The following RSPH14 variants were observed in gnomAD, a reference collection of about 807,000 sequenced individuals.
RSPH14 encodes the protein rhabdoid tumor deletion region gene 1.
RSPH14 carries 20 observed loss-of-function variants against 26.7 expected under a neutral mutation model. The observed-to-expected ratio is 0.75, with a 90% CI of 0.53 to 1.09. The LOEUF is 1.09. Ranked by LOEUF, RSPH14 falls within the 50% of genes least tolerant of loss-of-function variation. RSPH14 has a pLI of 0.00. For synonymous variants in RSPH14, 177 were observed against 189.3 expected, an observed-to-expected ratio of 0.93 and a Z score of 0.53; for missense variants, 449 against 457.2, an observed-to-expected ratio of 0.98 and a Z score of 0.16.
intron 4 of RSPH14, chr22:23,131,365 C>A: frequency 4.4e-6 from 1 of 228,118 alleles, no homozygotes; most frequent in Admixed American, 5.0e-5. Flanking sequence ...GACATAGTCA[C>A]CAGATTATTA....
chr22:23,079,466 G>A (rs1457295516), intron 4 of RSPH14, among the ~76,000 whole-genome samples: 1 of 152,152 alleles, frequency 6.6e-6, no homozygotes, highest in Non-Finnish European at 1.5e-5. Context: ...AGTGGGGGAG[G>A]GGGAGCATGG....
chr22:23,119,077 G>A (rs2069934201), intron 4 of RSPH14, among the ~76,000 whole-genome samples: 1 of 152,244 alleles, frequency 6.6e-6, no homozygotes, highest in African/African-American at 2.4e-5. Flanking sequence ...ATGCATGCTT[G>A]AGTCACAGTT....
the RSPH14 span, among the ~76,000 whole-genome samples, chr22:23,154,519 C>T: frequency 6.6e-6 from 1 of 152,186 alleles, no homozygotes; most frequent in Non-Finnish European, 1.5e-5. Flanking sequence ...CTGAGGGATC[C>T]AGAGAGCTGA....
the RSPH14 span, among the ~76,000 whole-genome samples, chr22:23,155,310 G>A: frequency 6.6e-6 from 1 of 152,194 alleles, no homozygotes; most frequent in Non-Finnish European, 1.5e-5. Flanking sequence ...GTAGATCTCA[G>A]TAGGTGCTCT....
chr22:23,082,951 T>C (rs547850862), intron 4 of RSPH14, among the ~76,000 whole-genome samples: 1 of 151,798 alleles, frequency 6.6e-6, no homozygotes, highest in South Asian at 2.1e-4. Context: ...AGGTGTGAAG[T>C]GGTCAAGATC....
At chr22:23,130,116 A>G (rs1306697589) in intron 4 of RSPH14, among the ~76,000 whole-genome samples, 17 of 112,564 alleles carry the variant, frequency 1.5e-4, no homozygotes, top group African/African-American at 5.0e-4. Context: ...AGAAAGAAAG[A>G]AAGAAAGAAA....
At chr22:23,155,818 C>T in the RSPH14 span, 1 of 617,270 alleles carries the variant, frequency 1.6e-6, no homozygotes, top group Non-Finnish European at 2.7e-6. Context: ...GGGGTAGGGA[C>T]ATCTGGCTCA....
At position 23,123,158 on chromosome 22, in the gene RSPH14, C is replaced by T. The variant is rs907495521; in HGVS notation, c.421+10868G>A. On this transcript the variant is annotated intron_variant, in intron 4 of 6. Transcript: ENST00000216036. ...ACAACTGGTTCATCAACACCTCACT[C>T]ATCCTCTTCCTGAACAAGAAGGACC... is the stretch of plus-strand genomic sequence containing the variant. The T allele has an allele frequency of 3.7e-6, 6 of 1,613,754 alleles. No individual in the cohort carries two copies. The African/African-American group carries it at 4.0e-5, about 11-fold the overall frequency.
chr22:23,133,814 T>A, intron 4 of RSPH14: 2 of 436,884 alleles, frequency 4.6e-6, no homozygotes, highest in Middle Eastern at 7.0e-4. Context: ...GGTGTCGAAC[T>A]CCTGACTTCG....
rs1258962994 is a variant in RSPH14, at chr22:23,059,608, C to G, written c.901G>C (p.Glu301Gln). 1 of 1,613,378 alleles carries G rather than the reference C, an allele frequency of 6.2e-7. No individual in the cohort carries two copies. Among genetic ancestry groups the G allele is most frequent in the East Asian group, 2.2e-5 (1 of 44,872 alleles). Residue 301 changes from glutamate (E) to glutamine (Q), a missense_variant, in exon 7 of 7, where the codon GAG becomes CAG. Transcript: ENST00000216036. ...NATKALTMLA[E>Q]APEGRKALQT... ...AGGGCCTTGCGGCCCTCGGGGGCCT[C>G]TGCCAGCATGGTAAGGGCCTTGGTG...
chr22:23,063,570 G>A (rs1439907469), intron 5 of RSPH14, among the ~76,000 whole-genome samples: 2 of 152,174 alleles, frequency 1.3e-5, no homozygotes, highest in South Asian at 2.1e-4. Flanking sequence ...TGTAGACAAC[G>A]CCTGGCACAC....
chr22:23,104,834 C>G (rs2069413716), intron 4 of RSPH14, among the ~76,000 whole-genome samples: 1 of 152,228 alleles, frequency 6.6e-6, no homozygotes, highest in Non-Finnish European at 1.5e-5. Context: ...CCTGAGGCCC[C>G]ACTGGCTCAG....
chr22:23,088,089 G>A (rs567853246), intron 4 of RSPH14, among the ~76,000 whole-genome samples: 1 of 152,348 alleles, frequency 6.6e-6, no homozygotes, highest in East Asian at 1.9e-4. Flanking sequence ...GGACAACTTG[G>A]AAGTTAGAAG....
At chr22:23,171,210 C>T in the RSPH14 span, among the ~76,000 whole-genome samples, 4 of 152,256 alleles carry the variant, frequency 2.6e-5, no homozygotes, top group South Asian at 6.2e-4. Flanking sequence ...TCATGATCCA[C>T]CCACTGTGGC....
At chr22:23,123,675 A>C in intron 4 of RSPH14, 3 of 530,014 alleles carry the variant, frequency 5.7e-6, no homozygotes, top group Non-Finnish European at 6.8e-6. Context: ...ATCCTCTAAA[A>C]TGTCGAGGTC....
intron 4 of RSPH14, among the ~76,000 whole-genome samples, chr22:23,089,763 C>CA (rs1382524959): frequency 6.6e-6 from 1 of 152,108 alleles, no homozygotes; most frequent in African/African-American, 2.4e-5. Flanking sequence ...AGCAAGCGGC[C>CA]CTCAGCAGAG....
chr22:23,127,521 G>A (rs2070214556), intron 4 of RSPH14, among the ~76,000 whole-genome samples: 1 of 152,196 alleles, frequency 6.6e-6, no homozygotes, highest in Non-Finnish European at 1.5e-5. Context: ...AGGAGGAGGA[G>A]GAGGCTGCTC....
At chr22:23,178,641 G>C in the RSPH14 span, among the ~76,000 whole-genome samples, 1 of 152,218 alleles carries the variant, frequency 6.6e-6, no homozygotes. Flanking sequence ...AGTGAGCTGC[G>C]CACCGCCCAC....
the RSPH14 span, among the ~76,000 whole-genome samples, chr22:23,165,029 C>G: frequency 6.6e-6 from 1 of 152,118 alleles, no homozygotes; most frequent in Non-Finnish European, 1.5e-5. Flanking sequence ...TGTGGACACC[C>G]CCACAGCTCT....
Sources: gnomAD v4.1 joint callset for allele counts (sites outside exome capture counted in the v4.1 genomes callset) on GRCh38, gnomAD v4.1.1 for gene constraint, MANE v1.5 for transcripts, NCBI Gene and HGNC (gene_info 2026-07-23, HGNC 2026-07-21) for gene names.